UBE4B: variants seen among roughly 807,000 people sequenced by gnomAD.
The protein encoded by UBE4B is ubiquitination factor E4B.
Under a neutral mutation model 148.1 loss-of-function variants are expected in UBE4B, and 27 were observed. The observed-to-expected ratio is 0.18, with a 90% CI of 0.13 to 0.25. The LOEUF is 0.25. UBE4B is among the 10% of genes least tolerant of loss of function. The pLI is 1.00. For missense variants in UBE4B, 1,170 were observed against 1,662.4 expected (o/e 0.70, Z 5.15); for synonymous variants, 596 against 619.3 (o/e 0.96, Z 0.56).
intron 18 of UBE4B, among the ~76,000 whole-genome samples, chr1:10,146,000 A>G (rs983600308): frequency 6.6e-6 from 1 of 152,200 alleles, no homozygotes; most frequent in Non-Finnish European, 1.5e-5. Flanking sequence ...TAATATGTGG[A>G]AAGTTTACCT....
At chr1:10,113,994 T>A (rs1312498644) in intron 7 of UBE4B, among the ~76,000 whole-genome samples, 1 of 143,786 alleles carries the variant, frequency 7.0e-6, no homozygotes, top group African/African-American at 2.6e-5. Context: ...GAACCTGGGA[T>A]GCAGAGGTTG....
chr1:10,108,406 A>T (rs1645157889), intron 7 of UBE4B, among the ~76,000 whole-genome samples: 1 of 152,148 alleles, frequency 6.6e-6, no homozygotes, highest in South Asian at 2.1e-4. Context: ...ATAGTTCCGG[A>T]TGTTGCTGAA....
chr1:10,115,488 C>T (rs937981724), intron 7 of UBE4B, among the ~76,000 whole-genome samples: 2 of 152,092 alleles, frequency 1.3e-5, no homozygotes, highest in Non-Finnish European at 2.9e-5. Context: ...TCAGGCTGGT[C>T]TCCAACTCCT....
Position 10,178,788 on chromosome 1 carries a change from G to C in UBE4B, c.3670G>C (p.Asp1224His). 1 of 1,612,768 alleles carries C rather than the reference G, an allele frequency of 6.2e-7. No individual in the cohort carries two copies. The highest frequency in any genetic ancestry group is 8.5e-7 in the Non-Finnish European group (1 of 1,179,600). ...GGCCAAGAACGCACGCGCAGAAATCGACTACAGCGACGCTCCTGATGAGTT... is the reference window on the plus strand; with the variant it reads ...GGCCAAGAACGCACGCGCAGAAATCCACTACAGCGACGCTCCTGATGAGTT... ...IVAKNARAEIDYSDAPDEFRD... is the reference protein window; with the variant it reads ...IVAKNARAEIHYSDAPDEFRD... Residue 1224 changes from aspartate (D) to histidine (H), a missense_variant, in exon 26 of 28, where the codon GAC (aspartate) becomes CAC (histidine). Physicochemically the swap from Asp to His is moderately conservative, Grantham distance 81. Coordinates refer to ENST00000343090, the MANE Select transcript of UBE4B (RefSeq NM_001105562.3).
chr1:10,159,591 A>C (rs1414632535), intron 22 of UBE4B, among the ~76,000 whole-genome samples: 1 of 152,196 alleles, frequency 6.6e-6, no homozygotes, highest in Non-Finnish European at 1.5e-5. Context: ...AGGCTGAGGC[A>C]GGAGAATGGC....
chr1:10,090,724 A>T (rs902066054), intron 2 of UBE4B, among the ~76,000 whole-genome samples: 18 of 150,958 alleles, frequency 1.2e-4, no homozygotes, highest in East Asian at 7.8e-4. Context: ...TTGACCTTTT[A>T]TTGAGGTTTC....
intron 21 of UBE4B, among the ~76,000 whole-genome samples, chr1:10,153,980 G>T (rs1462011843): frequency 1.3e-5 from 2 of 152,230 alleles, no homozygotes; most frequent in Non-Finnish European, 2.9e-5. Flanking sequence ...TACTTGGGAG[G>T]CTGAGGCAGG....
chr1:10,041,526 G>A (rs1390564798), intron 1 of UBE4B, among the ~76,000 whole-genome samples: 2 of 151,594 alleles, frequency 1.3e-5, no homozygotes, highest in African/African-American at 2.4e-5. Flanking sequence ...GTAGAGATGG[G>A]GTTTCTCCAA....
At chr1:10,079,513 G>T (rs1644641609) in intron 2 of UBE4B, among the ~76,000 whole-genome samples, 1 of 152,086 alleles carries the variant, frequency 6.6e-6, no homozygotes, top group Non-Finnish European at 1.5e-5. Flanking sequence ...AATTATATAG[G>T]AATATAATTA....
At chr1:10,060,526 C>T (rs1644264472) in intron 1 of UBE4B, among the ~76,000 whole-genome samples, 1 of 152,148 alleles carries the variant, frequency 6.6e-6, no homozygotes, top group African/African-American at 2.4e-5. Context: ...TCTGACTTCC[C>T]CAGGAGAGCT....
At chr1:10,072,368 T>C (rs1644502125) in intron 2 of UBE4B, 154 bp downstream of exon 2, 1 of 902,918 alleles carries the variant, frequency 1.1e-6, no homozygotes, top group Admixed American at 3.0e-5. Flanking sequence ...TTGCAATGTG[T>C]TGTGTTATCG....
intron 24 of UBE4B, among the ~76,000 whole-genome samples, chr1:10,169,546 G>A (rs1353963794): frequency 4.6e-5 from 7 of 152,194 alleles, no homozygotes; most frequent in African/African-American, 1.7e-4. Flanking sequence ...CAAAGTGCAA[G>A]GCCATGGAGC....
intron 23 of UBE4B, among the ~76,000 whole-genome samples, chr1:10,166,941 T>TCACACACACA (rs559608777): frequency 1.5e-5 from 2 of 131,304 alleles, no homozygotes; most frequent in South Asian, 2.5e-4. Context: ...AATAAATAAA[T>TCACACACACA]CACACACACA....
At chr1:10,089,240 C>T (rs940652816) in intron 2 of UBE4B, among the ~76,000 whole-genome samples, 3 of 151,856 alleles carry the variant, frequency 2.0e-5, no homozygotes, top group East Asian at 1.9e-4. Flanking sequence ...CTCTTGACCT[C>T]GTAATCTGCC....
At chr1:10,096,526 G>T (rs763970278) in intron 3 of UBE4B, among the ~76,000 whole-genome samples, 3 of 152,066 alleles carry the variant, frequency 2.0e-5, no homozygotes, top group Non-Finnish European at 4.4e-5. Context: ...GAGGTCAGAA[G>T]TTCAAGACCA....
At chr1:10,130,386 A>G (rs1645573753) in intron 12 of UBE4B, 114 bp from the exon 13 acceptor site, 1 of 974,628 alleles carries the variant, frequency 1.0e-6, no homozygotes, top group Admixed American at 2.0e-5. Flanking sequence ...TGGCTGAAAC[A>G]TAAAAGTTTT....
At position 10,126,506 on chromosome 1, in the gene UBE4B, G is replaced by A. The variant is rs79635289; in HGVS notation, c.1555-288G>A. Among the ~76,000 whole-genome samples the A allele has an allele frequency of 9.3e-3, 1,413 of 152,226 alleles. 13 individuals are homozygous for A. The highest frequency in any genetic ancestry group is 0.031 in the African/African-American group (1,290 of 41,526). On this transcript the variant is annotated intron_variant, in intron 10 of 27. Coordinates refer to ENST00000343090, the MANE Select transcript of UBE4B (RefSeq NM_001105562.3). Reference sequence around the variant, plus strand: ...TCTTCAACAGGCTCCAAATGTATGGGTTTTGTTGAATTACTGGGTTTTGTT... The same window carrying A: ...TCTTCAACAGGCTCCAAATGTATGGATTTTGTTGAATTACTGGGTTTTGTT...
At chr1:10,177,688 T>C (rs1646448011) in intron 25 of UBE4B, among the ~76,000 whole-genome samples, 1 of 151,686 alleles carries the variant, frequency 6.6e-6, no homozygotes, top group South Asian at 2.1e-4. Flanking sequence ...GTAAAACATA[T>C]ATGGCAAAAA....
chr1:10,119,595 G>T lies in UBE4B; in HGVS notation c.1421G>T (p.Gly474Val). 6.2e-7 allele frequency: 1 copy of T among 1,613,004 alleles called. No homozygotes were observed. The highest frequency in any genetic ancestry group is 8.5e-7 in the Non-Finnish European group (1 of 1,179,322). ...TCCCATACTGCTTTAGTACTACAAGGCTCCCTAACACAGCCCAGGTATGAA... is the reference window on the plus strand; with the variant it reads ...TCCCATACTGCTTTAGTACTACAAGTCTCCCTAACACAGCCCAGGTATGAA... ...CISHTALVLQ[G>V]SLTQPRSLQQ... The change falls in exon 9 of 28, where the codon GGC becomes GTC. Residue 474 changes from glycine to valine, a missense_variant. Physicochemically the swap from Gly to Val is moderately radical, Grantham distance 109. Coordinates refer to ENST00000343090, the MANE Select transcript of UBE4B (RefSeq NM_001105562.3).
Sources: gnomAD v4.1 joint callset for allele counts (sites outside exome capture counted in the v4.1 genomes callset) on GRCh38, gnomAD v4.1.1 for gene constraint, MANE v1.5 for transcripts, NCBI Gene and HGNC (gene_info 2026-07-23, HGNC 2026-07-21) for gene names.